Variants in CAMTA2 observed in about 807,000 individuals in gnomAD.
CAMTA2 encodes the protein calmodulin binding transcription activator 2.
Under a neutral mutation model 135.7 loss-of-function variants are expected in CAMTA2, and 56 were observed. The ratio of observed to expected loss-of-function variants is 0.41; its 90% CI spans 0.33 to 0.52. The LOEUF (loss-of-function observed/expected upper bound fraction) is 0.52. Among genes scored for constraint, CAMTA2 ranks in the 20% least tolerant of loss-of-function variants. The probability of loss-of-function intolerance (pLI) is 0.16; values close to 1 mark genes in which losing one functional copy is unlikely to be tolerated. For synonymous variants in CAMTA2, 591 were observed against 604.6 expected (o/e 0.98, Z 0.33); for missense variants, 1,358 against 1,553.4 (o/e 0.87, Z 2.11).
At chr17:4,974,072 C>T (rs1691756127) in intron 12 of CAMTA2, 2 of 531,894 alleles carry the variant, frequency 3.8e-6, no homozygotes, top group South Asian at 4.6e-5. Context: ...AGCCTTAGCC[C>T]TCTTCTTTCA....
At position 4,987,648 on chromosome 17, in the gene CAMTA2, C is replaced by CCT. The variant is rs746384376; in HGVS notation, c.-121_-120insAG. 100 of 1,521,614 alleles carry CCT rather than the reference C, an allele frequency of 6.6e-5. No homozygotes were observed. The highest frequency in any genetic ancestry group is 8.5e-5 in the Non-Finnish European group (97 of 1,139,700). 94.3% of individuals were successfully genotyped at this position (1,521,614 alleles called of 1,614,324 possible). A position where few individuals can be genotyped will look rare whatever the true frequency, so the allele number is the denominator to read the frequency against. ...CGGCCATTCTACCCCACACCGACCC[C>CCT]CCCCAGCGCCGGCTGACAGCGGCGT... On this transcript the variant is annotated 5_prime_UTR_variant, in exon 1 of 23. Coordinates refer to ENST00000348066, the MANE Select transcript of CAMTA2 (RefSeq NM_015099.4).
At chr17:4,982,017 C>T in intron 6 of CAMTA2, 72 bp downstream of exon 6, 1 of 1,366,812 alleles carries the variant, frequency 7.3e-7, no homozygotes, top group Non-Finnish European at 1.0e-6. Flanking sequence ...CATCCTTTCA[C>T]TTCCTTCTTT....
At position 4,969,639 on chromosome 17, in the gene CAMTA2, C is replaced by A; in HGVS notation, c.3252G>T (p.Lys1084Asn). ...GGGAGAAGGGTCTCACCTGCTTGTA[C>A]TTCCGGTAACAGCGCTGGATTACAG... ...AAAVIQRCYR[K>N]YKQLTWIALK... is the part of the protein sequence containing the mutation. Residue 1084 changes from lysine (K) to asparagine (N), a missense_variant, in exon 19 of 23, where the codon AAG (lysine) becomes AAT (asparagine). Lys to Asn is a moderately conservative substitution (Grantham distance 94). This residue lies in a region of CAMTA2 where 167 missense variants were observed against 207.0 expected (regional missense o/e 0.81). Coordinates refer to ENST00000348066, the MANE Select transcript of CAMTA2 (RefSeq NM_015099.4). The surrounding 1 kb of genome is among the most constrained non-coding windows in gnomAD (Gnocchi z 5.6). 1.2e-6 allele frequency: 2 copies of A among 1,614,146 alleles called. No individual in the cohort carries two copies. The highest frequency in any genetic ancestry group is 1.7e-6 in the Non-Finnish European group (2 of 1,180,028).
rs1972772078 is a variant in CAMTA2 at position 4,978,631 on chromosome 17, C to CT, written c.1639-2dup. 8 of 1,612,338 alleles carry CT rather than the reference C, an allele frequency of 5.0e-6. No individual in the cohort carries two copies. Among genetic ancestry groups the CT allele is most frequent in the Non-Finnish European group, 6.8e-6 (8 of 1,178,814 alleles). On this transcript the variant is annotated splice_acceptor_variant, in intron 9 of 22. Coordinates refer to ENST00000348066, the MANE Select transcript of CAMTA2 (RefSeq NM_015099.4). LOFTEE classifies it high-confidence loss of function. ...CTGTGATGAGCACCTTGACCCCACC[C>CT]TGCAGACAGAAGTCAGAGACCATGT...
chr17:4,987,187 C>T lies in CAMTA2; in HGVS notation c.-65+406G>A, dbSNP rs1322857686. 8.2e-6 allele frequency: 11 copies of T among 1,342,836 alleles called. No homozygotes were observed. The East Asian group carries it at 9.3e-5, about 11-fold the overall frequency. 83.2% of individuals were successfully genotyped at this position (1,342,836 alleles called of 1,614,324 possible). On this transcript the variant is annotated intron_variant, in intron 1 of 22. Transcript: ENST00000348066. ...GCCAGGGTGCGGAGCGGGAGCGGGT[C>T]CTTGGGCTGCACTTGGGCGGCGCCG...
At chr17:4,973,310 A>G (rs1972420483) in intron 13 of CAMTA2, 57 bp from the exon 14 acceptor site, 2 of 1,411,828 alleles carry the variant, frequency 1.4e-6, no homozygotes, top group Admixed American at 1.7e-5. Context: ...TGGGCAAAGC[A>G]GGAACATCAG....
At chr17:4,981,180 T>C in intron 8 of CAMTA2, 45 bp downstream of exon 8, 1 of 1,603,670 alleles carries the variant, frequency 6.2e-7, no homozygotes. Context: ...GTAAGAGCAG[T>C]GTGGCTAGGT....
rs2151164850 is a variant in CAMTA2, at chr17:4,972,343, C to T, written c.2697G>A (p.Glu899=). The change falls in exon 16 of 23, where the codon GAG becomes GAA. Residue 899 remains glutamate, a synonymous_variant. Coordinates refer to ENST00000348066, the MANE Select transcript of CAMTA2 (RefSeq NM_015099.4). Reference sequence around the variant, plus strand: ...AGAGGGGCCCCTTGGAGTTGGTAGCCTCATAGTCCATGAGGAGTAGGGGGG... The same window carrying T: ...AGAGGGGCCCCTTGGAGTTGGTAGCTTCATAGTCCATGAGGAGTAGGGGGG... ...PEAPLLLMDY[E]ATNSKGPLSS... 6.2e-7 allele frequency: 1 copy of T among 1,613,692 alleles called. No homozygotes were observed. The highest frequency in any genetic ancestry group is 8.5e-7 in the Non-Finnish European group (1 of 1,179,768).
At chr17:4,983,173 T>A in intron 3 of CAMTA2, 130 bp from the exon 4 acceptor site, 1 of 769,878 alleles carries the variant, frequency 1.3e-6, no homozygotes, top group Non-Finnish European at 2.3e-6. Flanking sequence ...TCTAGGTATC[T>A]GGACCCAGCA....
At chr17:4,983,142 TGGCAGCTA>T in intron 3 of CAMTA2, 99 bp from the exon 4 acceptor site, 1 of 983,632 alleles carries the variant, frequency 1.0e-6, no homozygotes, top group Admixed American at 1.8e-5. Context: ...TGCTGAGTTC[TGGCAGCTA>T]GTGGAGGATG....
chr17:4,986,235 A>AG lies in CAMTA2; in HGVS notation c.-14dup. Reference sequence around the variant, plus strand: ...CCTTGGTATTCATGGTGAGGGCTCCAGGGGGCAAGGTCACCCCCGGCCTGA... The same window carrying AG: ...CCTTGGTATTCATGGTGAGGGCTCCAGGGGGGCAAGGTCACCCCCGGCCTGA... On this transcript the variant is annotated 5_prime_UTR_variant, in exon 2 of 23. Coordinates refer to ENST00000348066, the MANE Select transcript of CAMTA2 (RefSeq NM_015099.4). 6.2e-7 allele frequency: 1 copy of AG among 1,604,848 alleles called. No individual in the cohort carries two copies. The highest frequency in any genetic ancestry group is 1.1e-5 in the South Asian group (1 of 90,782).
Position 4,980,099 on chromosome 17 carries a change from G to A in CAMTA2, c.1223C>T (p.Thr408Ile), listed in dbSNP as rs148000158. 3.8e-5 allele frequency: 61 copies of A among 1,611,722 alleles called. No individual in the cohort carries two copies. Among genetic ancestry groups the A allele is most frequent in the Non-Finnish European group, 4.6e-5 (54 of 1,178,556 alleles). ...AGCAGGCTCTAGGGCAGAACAGGGG[G>A]TATGAGCGGCCTCTGCCTCGGGGAA... ...PDFPEAEAAH[T>I]PCSALEPAAA... Residue 408 changes from threonine to isoleucine, a missense_variant, in exon 9 of 23, where the codon ACC (threonine) becomes ATC (isoleucine). Coordinates refer to ENST00000348066, the MANE Select transcript of CAMTA2 (RefSeq NM_015099.4). This position sits in a 1 kb window ranked among gnomAD's most constrained non-coding sequence, Gnocchi z 5.3.
intron 1 of CAMTA2, 187 bp from the exon 2 acceptor site, chr17:4,986,473 G>T (rs1973315386): frequency 1.7e-6 from 1 of 574,950 alleles, no homozygotes; most frequent in Non-Finnish European, 3.1e-6. Context: ...GCCAATATGA[G>T]TGAGCAGACT....
intron 9 of CAMTA2, among the ~76,000 whole-genome samples, chr17:4,979,113 G>A (rs1265062039): frequency 1.3e-5 from 2 of 152,198 alleles, no homozygotes; most frequent in African/African-American, 2.4e-5. Context: ...GAGGTCCTAG[G>A]AGACTCCAGA....
chr17:4,982,152 A>G lies in CAMTA2; in HGVS notation c.348T>C (p.Tyr116=). The part of the protein sequence containing the change: ...KLKVQGMECL[Y]GCYVHSSIVP... ...CGATGGAAGAGTGAACGTAGCAGCCATAGAGACACTGCCAGGAGACAGGCT... is the reference window on the plus strand; with the variant it reads ...CGATGGAAGAGTGAACGTAGCAGCCGTAGAGACACTGCCAGGAGACAGGCT... The change falls in exon 6 of 23, where the codon TAT becomes TAC. Residue 116 remains tyrosine (Y), a synonymous_variant. Transcript: ENST00000348066. 2.5e-5 allele frequency: 31 copies of G among 1,236,732 alleles called. No homozygotes were observed. The highest frequency in any genetic ancestry group is 3.3e-5 in the Non-Finnish European group (30 of 896,874). The allele number at this position is 1,236,732 out of a possible 1,614,324, so 76.6% of individuals were successfully genotyped here.
Position 4,981,724 on chromosome 17 carries a change from C to A in CAMTA2, c.519G>T (p.Trp173Cys). ...ACAACTCCTCCCGGGACCACTTCAG[C>A]CACTCTCGACGGTCGCTGCTGATGG... ...FCSISSDRREWLKWSREELLG... is the reference protein window; with the variant it reads ...FCSISSDRRECLKWSREELLG... The change falls in exon 7 of 23, where the codon TGG becomes TGT. Residue 173 changes from tryptophan (W) to cysteine (C), a missense_variant. By Grantham distance (215) the Trp-to-Cys change is radical. This residue lies in a region of CAMTA2 where 1,077 missense variants were observed against 1,127.5 expected (regional missense o/e 0.96). Transcript: ENST00000348066. 1 of 1,613,200 alleles carries A rather than the reference C, an allele frequency of 6.2e-7. No individual in the cohort carries two copies. The highest frequency in any genetic ancestry group is 1.1e-5 in the South Asian group (1 of 90,996).
chr17:4,982,512 G>A (rs1201026281), intron 5 of CAMTA2, among the ~76,000 whole-genome samples: 1 of 152,240 alleles, frequency 6.6e-6, no homozygotes, highest in Admixed American at 6.5e-5. Context: ...AGCAGTGAGG[G>A]GCCTGGGCAT....
At chr17:4,975,416 GAC>G (rs1344543707) in intron 11 of CAMTA2, among the ~76,000 whole-genome samples, 11 of 152,100 alleles carry the variant, frequency 7.2e-5, no homozygotes, top group African/African-American at 2.7e-4. Flanking sequence ...GACGATAAAA[GAC>G]AGGCAAGTTA....
rs1423018408 is a variant in CAMTA2, at chr17:4,973,758, C to G, written c.2028G>C (p.Gln676His). 1 of 1,608,918 alleles carries G rather than the reference C, an allele frequency of 6.2e-7. No homozygotes were observed. Among genetic ancestry groups the G allele is most frequent in the Admixed American group, 1.7e-5 (1 of 59,488 alleles). ...PDAPPVQDEG[Q>H]GPGFEARVVV... ...CTACCCGTGCTTCGAACCCAGGCCC[C>G]TGGCCTTCATCCTGCGATATACACA... is the stretch of plus-strand genomic sequence containing the variant. The change falls in exon 13 of 23, where the codon CAG becomes CAC. Residue 676 changes from glutamine (Q) to histidine (H), a missense_variant. This residue lies in a region of CAMTA2 where 1,077 missense variants were observed against 1,127.5 expected (regional missense o/e 0.96). Coordinates refer to ENST00000348066, the MANE Select transcript of CAMTA2 (RefSeq NM_015099.4).
Sources: gnomAD v4.1 joint callset for allele counts (sites outside exome capture counted in the v4.1 genomes callset) on GRCh38, gnomAD v4.1.1 for gene constraint, gnomAD v4.1.1 regional missense constraint, Gnocchi (gnomAD v3.1) non-coding constraint, MANE v1.5 for transcripts, NCBI Gene and HGNC (gene_info 2026-07-23, HGNC 2026-07-21) for gene names.